Variants in ASTN2 observed in about 807,000 individuals in gnomAD.
ASTN2 encodes the protein astrotactin-2.
Under a neutral mutation model 139.8 loss-of-function variants are expected in ASTN2, and 54 were observed. That is an observed-to-expected ratio of 0.39 (90% CI 0.31 to 0.48). The LOEUF (loss-of-function observed/expected upper bound fraction) is 0.48, where lower values mean the gene tolerates loss of function less well. ASTN2 is among the 20% of genes least tolerant of loss of function. The pLI, the probability that ASTN2 is intolerant of heterozygous loss-of-function variation, is 0.95. For synonymous variants in ASTN2, 756 were observed against 719.5 expected, an observed-to-expected ratio of 1.05 and a Z score of -0.81; for missense variants, 1,565 against 1,725.1, an observed-to-expected ratio of 0.91 and a Z score of 1.64.
rs575118646 is a variant in ASTN2, at chr9:116,522,304, C to T, written c.3356-34804G>A. Among the ~76,000 whole-genome samples the T allele has an allele frequency of 3.3e-5, 5 of 152,102 alleles. No homozygotes were observed. The East Asian group carries it at 9.7e-4, about 29-fold the overall frequency. On this transcript the variant is annotated intron_variant, in intron 19 of 22. Coordinates refer to ENST00000313400, the MANE Select transcript of ASTN2 (RefSeq NM_001365068.1). Reference sequence around the variant, plus strand: ...CAATAAGTGGATAAAGAAAATGTAGCATATATATACCATGGAATACTGCTC... The same window carrying T: ...CAATAAGTGGATAAAGAAAATGTAGTATATATATACCATGGAATACTGCTC...
intron 1 of ASTN2, among the ~76,000 whole-genome samples, chr9:117,349,820 TAAC>T (rs957477592): frequency 6.6e-6 from 1 of 152,154 alleles, no homozygotes; most frequent in Non-Finnish European, 1.5e-5. Flanking sequence ...TACAATATGA[TAAC>T]AAAGGGACTT....
chr9:116,703,370 T>C (rs1827901399), intron 16 of ASTN2, among the ~76,000 whole-genome samples: 1 of 151,666 alleles, frequency 6.6e-6, no homozygotes. Flanking sequence ...TTGCAGATTC[T>C]GGATATTAGC....
intron 1 of ASTN2, among the ~76,000 whole-genome samples, chr9:117,391,771 G>T (rs947272398): frequency 1.3e-5 from 2 of 152,110 alleles, no homozygotes; most frequent in African/African-American, 2.4e-5. Context: ...CTGAGACAAG[G>T]CAAGTCCCTT....
intron 6 of ASTN2, among the ~76,000 whole-genome samples, chr9:117,008,564 G>T (rs1431096043): frequency 6.6e-6 from 1 of 152,100 alleles, no homozygotes; most frequent in Non-Finnish European, 1.5e-5. Flanking sequence ...AAGTGCCCCT[G>T]GGTCTTGGTT....
intron 20 of ASTN2, among the ~76,000 whole-genome samples, chr9:116,478,858 G>A (rs1849076614): frequency 1.3e-5 from 2 of 151,950 alleles, no homozygotes; most frequent in Non-Finnish European, 2.9e-5. Context: ...TGGGCACAGT[G>A]GCACGTGCCT....
rs1490246069 is a variant in ASTN2, at chr9:117,095,924, T to G, written c.1276+120A>C. The G allele has an allele frequency of 1.6e-5, 14 of 885,010 alleles. No homozygotes were observed. In the Admixed American group the frequency reaches 3.0e-4, roughly 19 times the overall value. 54.8% of individuals were successfully genotyped at this position (885,010 alleles called of 1,614,324 possible). On this transcript the variant is annotated intron_variant, in intron 5 of 22. Coordinates refer to ENST00000313400, the MANE Select transcript of ASTN2 (RefSeq NM_001365068.1). ...CCAGGGCAACAGATACTAAGCTCAGTTTTAACCAGATGGGGACCAGGTTAG... is the reference window on the plus strand; with the variant it reads ...CCAGGGCAACAGATACTAAGCTCAGGTTTAACCAGATGGGGACCAGGTTAG...
At chr9:116,628,040 T>C (rs928151478) in intron 17 of ASTN2, among the ~76,000 whole-genome samples, 3 of 152,222 alleles carry the variant, frequency 2.0e-5, no homozygotes, top group African/African-American at 7.2e-5. Flanking sequence ...CTTTGAAATA[T>C]AAAGCCTCCA....
chr9:116,593,975 G>A (rs184650860), intron 19 of ASTN2, among the ~76,000 whole-genome samples: 199 of 152,212 alleles, frequency 1.3e-3, no homozygotes, highest in African/African-American at 4.6e-3. Context: ...CTCACTTTGC[G>A]CTGCCCCAAG....
chr9:117,336,845 C>T (rs1460490273), intron 1 of ASTN2, among the ~76,000 whole-genome samples: 2 of 152,094 alleles, frequency 1.3e-5, no homozygotes, highest in African/African-American at 4.8e-5. Context: ...CAGCACTCTC[C>T]CAGAACTCGA....
Position 117,291,386 on chromosome 9 carries a change from A to G in ASTN2, c.570T>C (p.Thr190=), listed in dbSNP as rs1177946944. 1 of 1,613,978 alleles carries G rather than the reference A, an allele frequency of 6.2e-7. No individual in the cohort carries two copies. The highest frequency in any genetic ancestry group is 8.5e-7 in the Non-Finnish European group (1 of 1,180,012). Residue 190 remains threonine, a synonymous_variant, in exon 2 of 23, where the codon ACT becomes ACC. Coordinates refer to ENST00000313400, the MANE Select transcript of ASTN2 (RefSeq NM_001365068.1). ...SGQLAQATAP[T]LQEPSEIVEE... is the part of the protein sequence containing the mutation. The stretch of plus-strand genomic sequence containing the variant: ...CAACAATCTCCGAGGGCTCCTGGAG[A>G]GTGGGGGCGGTGGCTTGGGCCAGCT...
chr9:117,203,887 G>A (rs904594380), intron 3 of ASTN2, among the ~76,000 whole-genome samples: 4 of 152,194 alleles, frequency 2.6e-5, no homozygotes, highest in African/African-American at 9.6e-5. Flanking sequence ...CCTTGGTGGA[G>A]AGGGTGTGTT....
chr9:116,467,376 C>T (rs1399263142), intron 20 of ASTN2, among the ~76,000 whole-genome samples: 4 of 152,190 alleles, frequency 2.6e-5, no homozygotes, highest in Non-Finnish European at 2.9e-5. Flanking sequence ...AAGCAATTCT[C>T]CTGCTTCAGC....
chr9:117,332,659 G>C (rs1308527423), intron 1 of ASTN2, among the ~76,000 whole-genome samples: 2 of 152,156 alleles, frequency 1.3e-5, no homozygotes, highest in African/African-American at 4.8e-5. Flanking sequence ...TAAGTCACTT[G>C]CCTAAAGCAA....
chr9:117,335,730 C>T lies in ASTN2; in HGVS notation c.443-44217G>A, dbSNP rs140192772. On this transcript the variant is annotated intron_variant, in intron 1 of 22. Transcript: ENST00000313400. ...CCATAAAATCCTAGTGCCACAGGCC[C>T]CTTAAAAATTACCCCATCTAATAAC... Among the ~76,000 whole-genome samples, 743 of 151,880 alleles carry T rather than the reference C, an allele frequency of 4.9e-3. 10 individuals are homozygous for T. The highest frequency in any genetic ancestry group is 0.017 in the African/African-American group (700 of 41,420).
At chr9:117,163,122 T>G (rs1830590625) in intron 3 of ASTN2, among the ~76,000 whole-genome samples, 1 of 151,962 alleles carries the variant, frequency 6.6e-6, no homozygotes, top group South Asian at 2.1e-4. Flanking sequence ...AAACAGTAGC[T>G]AAAAAGTAGG....
chr9:116,794,378 G>A (rs772406959), intron 13 of ASTN2, among the ~76,000 whole-genome samples: 37 of 152,092 alleles, frequency 2.4e-4, no homozygotes, highest in Non-Finnish European at 5.1e-4. Flanking sequence ...GATTACAGGC[G>A]TGAGCCACCG....
chr9:117,295,269 C>T (rs1475780230), intron 1 of ASTN2, among the ~76,000 whole-genome samples: 3 of 152,014 alleles, frequency 2.0e-5, no homozygotes, highest in African/African-American at 2.4e-5. Flanking sequence ...TTGCAGGGAG[C>T]CAAGATTGCG....
chr9:116,996,315 G>A (rs1046678059), intron 7 of ASTN2, among the ~76,000 whole-genome samples: 1 of 152,032 alleles, frequency 6.6e-6, no homozygotes, highest in Non-Finnish European at 1.5e-5. Flanking sequence ...ATATGTGTAT[G>A]TGTCTTAATT....
chr9:116,539,816 T>C (rs889445281), intron 19 of ASTN2, among the ~76,000 whole-genome samples: 3 of 152,244 alleles, frequency 2.0e-5, no homozygotes, highest in African/African-American at 7.2e-5. Context: ...TTCTATTTAA[T>C]ATTTTTGGAC....
Sources: allele counts gnomAD v4.1 joint callset (sites outside exome capture counted in the v4.1 genomes callset), GRCh38; gene constraint gnomAD v4.1.1; transcripts MANE v1.5; gene names NCBI Gene and HGNC (gene_info 2026-07-23, HGNC 2026-07-21).